PAX8: variants seen among roughly 807,000 people sequenced by gnomAD.
PAX8 encodes paired box protein Pax-8.
A neutral mutation model predicts 52.4 loss-of-function variants in PAX8; 15 were observed. The observed-to-expected ratio is 0.29, with a 90% CI of 0.19 to 0.44. The LOEUF is 0.44. Among genes scored for constraint, PAX8 ranks in the 20% least tolerant of loss-of-function variants. The pLI, the probability that PAX8 is intolerant of heterozygous loss-of-function variation, is 1.00. For missense variants in PAX8, 554 were observed against 602.5 expected, an observed-to-expected ratio of 0.92 and a Z score of 0.84; for synonymous variants, 284 against 249.7, an observed-to-expected ratio of 1.14 and a Z score of -1.29.
rs76273393 is a variant in PAX8, at chr2:113,234,085, C to T, written c.1087+1309G>A. ...TACCCACACTCCTTGGAGACAGTGC[C>T]GCTATTAAAGAGATTCCTCCAATGC... is the stretch of plus-strand genomic sequence containing the variant. On this transcript the variant is annotated intron_variant, in intron 9 of 11. Transcript: ENST00000429538. 8.5e-4 allele frequency among the ~76,000 whole-genome samples: 130 copies of T among 152,330 alleles called. 2 individuals are homozygous for T. In the East Asian group the frequency reaches 0.012, roughly 14 times the overall value.
At chr2:113,275,472 A>G (rs1298090669) in intron 2 of PAX8, 1 of 152,236 alleles carries the variant, frequency 6.6e-6, no homozygotes, top group African/African-American at 2.4e-5. Context: ...CCTCAATTCT[A>G]AAACCAAGAG....
At chr2:113,248,972 A>G (rs1250424863) in intron 2 of PAX8, among the ~76,000 whole-genome samples, 1 of 149,788 alleles carries the variant, frequency 6.7e-6, no homozygotes, top group African/African-American at 2.5e-5. Flanking sequence ...GTCAAAAAAA[A>G]GAAAAAAAAG....
chr2:113,232,363 G>A (rs1038489938), intron 9 of PAX8, among the ~76,000 whole-genome samples: 1 of 152,322 alleles, frequency 6.6e-6, no homozygotes, highest in East Asian at 1.9e-4. Context: ...ACTCTTTTCA[G>A]AGCCTCTGCC....
rs200671132 is a variant in PAX8, at chr2:113,235,629, G to A, written c.899-47C>T. 95 of 1,498,834 alleles carry A rather than the reference G, an allele frequency of 6.3e-5. No individual in the cohort carries two copies. The East Asian group carries it at 2.0e-3, about 32-fold the overall frequency. 92.8% of individuals were successfully genotyped at this position (1,498,834 alleles called of 1,614,324 possible). ...CAAGGAGAGAGGGGTGTGAGATGGC[G>A]GGGAGGGAACACGCACAAGCCAAGC... On this transcript the variant is annotated intron_variant, in intron 8 of 11. Coordinates refer to ENST00000429538, the MANE Select transcript of PAX8 (RefSeq NM_003466.4).
At chr2:113,272,652 C>T (rs1206878092) in intron 2 of PAX8, 1 of 152,184 alleles carries the variant, frequency 6.6e-6, no homozygotes, top group Non-Finnish European at 1.5e-5. Context: ...CTCTGTACTC[C>T]TTCCCCACGA....
intron 2 of PAX8, among the ~76,000 whole-genome samples, chr2:113,264,481 A>G (rs1402995696): frequency 6.6e-6 from 1 of 152,258 alleles, no homozygotes; most frequent in African/African-American, 2.4e-5. Context: ...CAAAACTCAA[A>G]TGTGCAAGTT....
intron 7 of PAX8, chr2:113,238,859 A>G (rs536329812): frequency 6.6e-6 from 1 of 152,032 alleles, no homozygotes; most frequent in South Asian, 2.1e-4. Flanking sequence ...AATGAGAGTT[A>G]TCACAGATAT....
intron 2 of PAX8, among the ~76,000 whole-genome samples, chr2:113,278,002 A>G (rs2104624379): frequency 6.6e-6 from 1 of 152,246 alleles, no homozygotes; most frequent in South Asian, 2.1e-4. Flanking sequence ...GGGACGGGGA[A>G]ACGGCAAGTC....
intron 9 of PAX8, among the ~76,000 whole-genome samples, chr2:113,228,487 C>T (rs1689711356): frequency 6.6e-6 from 1 of 152,210 alleles, no homozygotes; most frequent in Non-Finnish European, 1.5e-5. Flanking sequence ...CTGTCCTGTG[C>T]ATTGTAGGAT....
intron 2 of PAX8, chr2:113,270,812 A>C (rs890952824): frequency 6.6e-6 from 1 of 152,056 alleles, no homozygotes; most frequent in African/African-American, 2.4e-5. Flanking sequence ...TAAGAAGACA[A>C]ATAAAAAAGA....
rs1316301686 is a variant in PAX8 at position 113,241,575 on chromosome 2, G to A, written c.753C>T (p.Ser251=). 1 of 1,610,752 alleles carries A rather than the reference G, an allele frequency of 6.2e-7. No homozygotes were observed. The highest frequency in any genetic ancestry group is 8.5e-7 in the Non-Finnish European group (1 of 1,179,264). The change falls in exon 7 of 12, where the codon TCC becomes TCT. Residue 251 remains serine (S), a synonymous_variant. Coordinates refer to ENST00000429538, the MANE Select transcript of PAX8 (RefSeq NM_003466.4). ...ERQHYPEAYA[S]PSHTKGEQGL... is the part of the protein sequence containing the mutation. ...CCTGCTCGCCTTTGGTGTGGCTGGG[G>A]GAGGCATAGGCCTCTGGGTAGTGCT...
At chr2:113,263,608 G>T (rs546278792) in intron 2 of PAX8, among the ~76,000 whole-genome samples, 1 of 152,308 alleles carries the variant, frequency 6.6e-6, no homozygotes, top group South Asian at 2.1e-4. Context: ...CAAATGGCAT[G>T]TGCACAGCCA....
chr2:113,228,323 C>T (rs1689703147), intron 9 of PAX8, among the ~76,000 whole-genome samples: 1 of 152,186 alleles, frequency 6.6e-6, no homozygotes, highest in Admixed American at 6.5e-5. Context: ...ACCAGTATCC[C>T]AGCATATTTG....
At chr2:113,245,822 A>G (rs1370514798) in intron 3 of PAX8, among the ~76,000 whole-genome samples, 4 of 152,196 alleles carry the variant, frequency 2.6e-5, no homozygotes, top group African/African-American at 9.6e-5. Flanking sequence ...CTAGCCCAGC[A>G]AAGGATCATG....
chr2:113,256,192 G>C (rs866252017), intron 2 of PAX8, among the ~76,000 whole-genome samples: 3 of 152,182 alleles, frequency 2.0e-5, no homozygotes, highest in Non-Finnish European at 4.4e-5. Context: ...ATTGTTGTCT[G>C]GTGTTGGAGG....
chr2:113,257,514 A>T (rs950864471), intron 2 of PAX8, among the ~76,000 whole-genome samples: 2 of 152,226 alleles, frequency 1.3e-5, no homozygotes, highest in African/African-American at 2.4e-5. Context: ...TCTGCCTTAG[A>T]TCAGCCCAGA....
chr2:113,242,770 C>T lies in PAX8; in HGVS notation c.398G>A (p.Arg133Gln), dbSNP rs1690969968. ...GTTGAATGGTTGCTGCACTTTGGTCCGGATGATTCTGTGATGAAGAGAAGA... is the reference window on the plus strand; with the variant it reads ...GTTGAATGGTTGCTGCACTTTGGTCTGGATGATTCTGTGATGAAGAGAAGA... ...PSVSSINRIIRTKVQQPFNLP... is the reference protein window; with the variant it reads ...PSVSSINRIIQTKVQQPFNLP... Residue 133 changes from arginine (R) to glutamine (Q), a missense_variant, in exon 5 of 12, where the codon CGG (arginine) becomes CAG (glutamine). Coordinates refer to ENST00000429538, the MANE Select transcript of PAX8 (RefSeq NM_003466.4). 1 of 1,613,166 alleles carries T rather than the reference C, an allele frequency of 6.2e-7. No homozygotes were observed.
intron 10 of PAX8, among the ~76,000 whole-genome samples, chr2:113,221,828 A>ATCC (rs1307697315): frequency 6.6e-6 from 1 of 152,160 alleles, no homozygotes; most frequent in Admixed American, 6.5e-5. Context: ...AGGCTACTGG[A>ATCC]TCCTCTCCTT....
chr2:113,255,269 AGGAGGGAGGGG>A (rs1692158151), intron 2 of PAX8: 1 of 9,730 alleles, frequency 1.0e-4, no homozygotes, highest in Non-Finnish European at 1.6e-4. Flanking sequence ...GAGGGAGGGG[AGGAGGGAGGGG>A]AGGAGGGAGG....
Sources: allele counts gnomAD v4.1 joint callset (sites outside exome capture counted in the v4.1 genomes callset), GRCh38; gene constraint gnomAD v4.1.1; transcripts MANE v1.5; gene names NCBI Gene and HGNC (gene_info 2026-07-23, HGNC 2026-07-21).